Variants in PCYOX1 observed in about 807,000 individuals in gnomAD.
The protein encoded by PCYOX1 is prenylcysteine lyase.
PCYOX1 carries 46 observed loss-of-function variants against 46.4 expected under a neutral mutation model. That is an observed-to-expected ratio of 0.99 (90% CI 0.78 to 1.27). PCYOX1 has a LOEUF of 1.27. PCYOX1 is among the 50% of genes most tolerant of loss of function. PCYOX1 has a pLI of 0.00. For synonymous variants in PCYOX1, 220 were observed against 231.8 expected (o/e 0.95, Z 0.46); for missense variants, 658 against 628.3 (o/e 1.05, Z -0.51).
chr2:70,276,780 G>A lies in PCYOX1; in HGVS notation c.906G>A (p.Glu302=). 1 of 1,609,356 alleles carries A rather than the reference G, an allele frequency of 6.2e-7. No homozygotes were observed. The highest frequency in any genetic ancestry group is 8.5e-7 in the Non-Finnish European group (1 of 1,177,694). ...MYEVVYQIGT[E]TRSDFYDIVL... ...AAGTGGTCTACCAAATTGGAACTGA[G>A]ACTCGTTCAGACTTCTATGACATCG... is the stretch of plus-strand genomic sequence containing the variant. Residue 302 remains glutamate, a synonymous_variant, in exon 6 of 6, where the codon GAG becomes GAA. Coordinates refer to ENST00000433351, the MANE Select transcript of PCYOX1 (RefSeq NM_016297.4).
In PCYOX1 at chr2:70,278,448, C is replaced by T. The variant is rs1337857005; in HGVS notation, c.*1056C>T. The T allele has an allele frequency of 6.6e-6, 1 of 152,634 alleles. No homozygotes were observed. Among genetic ancestry groups the T allele is most frequent in the Non-Finnish European group, 1.5e-5 (1 of 68,034 alleles). 9.5% of individuals were successfully genotyped at this position (152,634 alleles called of 1,614,324 possible). A position where few individuals can be genotyped will look rare whatever the true frequency, so the allele number is the denominator to read the frequency against. ...TTTTGCAAGGATCTTTCTTTTAGAA[C>T]TTTCTCAGTTCTCTTAGTAAGAACT... On this transcript the variant is annotated 3_prime_UTR_variant, in exon 6 of 6. Coordinates refer to ENST00000433351, the MANE Select transcript of PCYOX1 (RefSeq NM_016297.4).
Position 70,274,959 on chromosome 2 carries a change from G to C in PCYOX1, c.495G>C (p.Arg165Ser), listed in dbSNP as rs1417314366. ...WVEDVLDKFMRIYRYQSHDYA... is the reference protein window; with the variant it reads ...WVEDVLDKFMSIYRYQSHDYA... ...AATGGATTTCTCTTCTTTTCCAAAGGATCTACCGCTACCAGTCTCATGACT... is the reference window on the plus strand; with the variant it reads ...AATGGATTTCTCTTCTTTTCCAAAGCATCTACCGCTACCAGTCTCATGACT... Residue 165 changes from arginine to serine, a missense_variant and splice_region_variant, in exon 4 of 6, where the codon AGG (arginine) becomes AGC (serine). Arg to Ser is a moderately radical substitution (Grantham distance 110). Coordinates refer to ENST00000433351, the MANE Select transcript of PCYOX1 (RefSeq NM_016297.4). 6.3e-7 allele frequency: 1 copy of C among 1,580,496 alleles called. No homozygotes were observed. Among genetic ancestry groups the C allele is most frequent in the South Asian group, 1.1e-5 (1 of 90,414 alleles).
Position 70,258,185 on chromosome 2 carries a change from G to A in PCYOX1, c.21G>A (p.Glu7=). 6.3e-7 allele frequency: 1 copy of A among 1,597,474 alleles called. No individual in the cohort carries two copies. The highest frequency in any genetic ancestry group is 8.5e-7 in the Non-Finnish European group (1 of 1,176,394). ...AGGCCATGGGGCGCGTCGTCGCGGA[G>A]CTCGTCTCCTCGCTGCTGGGGTTGT... MGRVVA[E]LVSSLLGLWL... Residue 7 remains glutamate (E), a synonymous_variant, in exon 1 of 6, where the codon GAG becomes GAA. Coordinates refer to ENST00000433351, the MANE Select transcript of PCYOX1 (RefSeq NM_016297.4).
rs906202311 is a variant in PCYOX1 at position 70,280,523 on chromosome 2, G to A, written c.*3131G>A. On this transcript the variant is annotated 3_prime_UTR_variant, in exon 6 of 6. Transcript: ENST00000433351. Reference sequence around the variant, plus strand: ...CCTGTTTATTCAATAAGTTTGTTATGGGATATAAGAAGATGCATTTTATTA... The same window carrying A: ...CCTGTTTATTCAATAAGTTTGTTATAGGATATAAGAAGATGCATTTTATTA... 16 of 152,128 alleles carry A rather than the reference G, an allele frequency of 1.1e-4. No individual in the cohort carries two copies. Among genetic ancestry groups the A allele is most frequent in the African/African-American group, 3.4e-4 (14 of 41,406 alleles). 9.4% of individuals were successfully genotyped at this position (152,128 alleles called of 1,614,324 possible).
At position 70,275,374 on chromosome 2, in the gene PCYOX1, T is replaced by G. The variant is rs944695736; in HGVS notation, c.707-140T>G. On this transcript the variant is annotated intron_variant, in intron 4 of 5. Transcript: ENST00000433351. Reference sequence around the variant, plus strand: ...TTTCATTAGTTCAGTAATTCTTAACTGGGGGAGATTTTGCTCCCAGGGGCC... The same window carrying G: ...TTTCATTAGTTCAGTAATTCTTAACGGGGGGAGATTTTGCTCCCAGGGGCC... 5.6e-6 allele frequency: 5 copies of G among 900,146 alleles called. No individual in the cohort carries two copies. The African/African-American group carries it at 8.3e-5, about 15-fold the overall frequency. The allele number at this position is 900,146 out of a possible 1,614,324, so 55.8% of individuals were successfully genotyped here. A position where few individuals can be genotyped will look rare whatever the true frequency, so the allele number is the denominator to read the frequency against.
intron 3 of PCYOX1, among the ~76,000 whole-genome samples, chr2:70,269,390 C>T (rs1696570999): frequency 6.8e-6 from 1 of 146,458 alleles, no homozygotes; most frequent in African/African-American, 2.6e-5. Flanking sequence ...GGCTGGAGTT[C>T]AGTGGCGCTA....
At chr2:70,270,489 C>T (rs969909607) in intron 3 of PCYOX1, among the ~76,000 whole-genome samples, 5 of 152,184 alleles carry the variant, frequency 3.3e-5, no homozygotes, top group African/African-American at 9.7e-5. Context: ...GTACCACTCC[C>T]GGTTCTCCCA....
rs764627039 is a variant in PCYOX1 at position 70,277,323 on chromosome 2, C to T, written c.1449C>T (p.His483=). Reference sequence around the variant, plus strand: ...ACAACGCTGCACTCCTTGCCTATCACCGCTGGAACGGGCACACAGACATGA... The same window carrying T: ...ACAACGCTGCACTCCTTGCCTATCATCGCTGGAACGGGCACACAGACATGA... ...AAHNAALLAY[H]RWNGHTDMID... Residue 483 remains histidine, a synonymous_variant, in exon 6 of 6, where the codon CAC becomes CAT. Coordinates refer to ENST00000433351, the MANE Select transcript of PCYOX1 (RefSeq NM_016297.4). 1 of 1,614,040 alleles carries T rather than the reference C, an allele frequency of 6.2e-7. No individual in the cohort carries two copies. The highest frequency in any genetic ancestry group is 8.5e-7 in the Non-Finnish European group (1 of 1,179,930).
chr2:70,258,115 G>A (rs776112254), upstream of PCYOX1: 1 of 1,430,134 alleles, frequency 7.0e-7, no homozygotes, highest in Admixed American at 1.9e-5. Flanking sequence ...CCGCGCAGCG[G>A]TGGGAGGACT....
At chr2:70,269,448 G>T (rs941344372) in intron 3 of PCYOX1, among the ~76,000 whole-genome samples, 3 of 151,074 alleles carry the variant, frequency 2.0e-5, no homozygotes, top group African/African-American at 7.3e-5. Context: ...CAATTCTTGT[G>T]CCTCAGCCTC....
At chr2:70,274,791 T>G in intron 3 of PCYOX1, 168 bp from the exon 4 acceptor site, 2 of 602,932 alleles carry the variant, frequency 3.3e-6, no homozygotes, top group Non-Finnish European at 6.0e-6. Context: ...CTTGAACTCC[T>G]GACCTCAGGT....
rs778441473 is a variant in PCYOX1 at position 70,259,344 on chromosome 2, T to G, written c.113-16T>G. The stretch of plus-strand genomic sequence containing the variant: ...TAAAAGGGGAAAATATAATCTTCTG[T>G]TTTTTTCCCTCATAGCGATTATTGG... On this transcript the variant is annotated splice_polypyrimidine_tract_variant and intron_variant, in intron 1 of 5. Transcript: ENST00000433351. 11 of 1,584,292 alleles carry G rather than the reference T, an allele frequency of 6.9e-6. No homozygotes were observed. The highest frequency in any genetic ancestry group is 1.7e-5 in the Admixed American group (1 of 57,500).
intron 2 of PCYOX1, among the ~76,000 whole-genome samples, chr2:70,260,723 C>T (rs1696423905): frequency 6.6e-6 from 1 of 152,156 alleles, no homozygotes; most frequent in Admixed American, 6.5e-5. Flanking sequence ...GGCCTCCTTC[C>T]AGTTATCTGA....
chr2:70,261,789 C>T (rs1696444482), intron 3 of PCYOX1, among the ~76,000 whole-genome samples: 1 of 152,160 alleles, frequency 6.6e-6, no homozygotes, highest in Non-Finnish European at 1.5e-5. Context: ...GCAGTCTGGC[C>T]TTTGAGTCTT....
chr2:70,269,356 G>A (rs897922148), intron 3 of PCYOX1, among the ~76,000 whole-genome samples: 6 of 140,706 alleles, frequency 4.3e-5, no homozygotes, highest in Admixed American at 2.9e-4. Context: ...TTTTTTTTGA[G>A]ACAGAGTCTC....
chr2:70,266,648 T>G (rs1332901406), intron 3 of PCYOX1, among the ~76,000 whole-genome samples: 1 of 151,874 alleles, frequency 6.6e-6, no homozygotes, highest in Non-Finnish European at 1.5e-5. Flanking sequence ...GTACTTGAGA[T>G]TAGGGAGTGG....
At chr2:70,263,549 G>A (rs935678412) in intron 3 of PCYOX1, among the ~76,000 whole-genome samples, 10 of 152,158 alleles carry the variant, frequency 6.6e-5, no homozygotes, top group African/African-American at 2.2e-4. Flanking sequence ...TAGAATTTGC[G>A]TAGAGACGGC....
chr2:70,273,656 C>T (rs554715493), intron 3 of PCYOX1, among the ~76,000 whole-genome samples: 56 of 152,256 alleles, frequency 3.7e-4, no homozygotes, highest in African/African-American at 1.3e-3. Context: ...GAGATAAACC[C>T]CGTATTACTT....
rs759458331 is a variant in PCYOX1 at position 70,275,170 on chromosome 2, G to A, written c.706G>A (p.Gly236Arg). Residue 236 changes from glycine (G) to arginine (R), a missense_variant and splice_region_variant, in exon 4 of 6, where the codon GGG becomes AGG. Physicochemically the swap from Gly to Arg is moderately radical, Grantham distance 125. Coordinates refer to ENST00000433351, the MANE Select transcript of PCYOX1 (RefSeq NM_016297.4). ...GQSTDINAFV[G>R]AVSLSCSDSG... ...AAGCACGGACATCAATGCCTTTGTG[G>A]GTAAGCCAGGGCTTGAAACAGTGGT... 10 of 1,609,872 alleles carry A rather than the reference G, an allele frequency of 6.2e-6. No individual in the cohort carries two copies. In the East Asian group the frequency reaches 2.0e-4, roughly 32 times the overall value.
Sources: allele counts gnomAD v4.1 joint callset (sites outside exome capture counted in the v4.1 genomes callset), GRCh38; gene constraint gnomAD v4.1.1; transcripts MANE v1.5; gene names NCBI Gene and HGNC (gene_info 2026-07-23, HGNC 2026-07-21).